AR: variants seen among roughly 807,000 people sequenced by gnomAD.
The protein encoded by AR is dihydrotestosterone receptor.
In AR, 8 loss-of-function variants were observed where a neutral mutation model predicts 53.9. That is an observed-to-expected ratio of 0.15 (90% CI 0.09 to 0.27). AR has a LOEUF of 0.27. AR is among the 10% of genes least tolerant of loss of function. The probability of loss-of-function intolerance (pLI) is 1.00; values close to 1 mark genes in which losing one functional copy is unlikely to be tolerated. For missense variants in AR, 639 were observed against 742.5 expected (o/e 0.86, Z 1.62); for synonymous variants, 359 against 316.4 (o/e 1.13, Z -1.43).
chrX:67,616,250 G>A (rs1924113264), intron 1 of AR, among the ~76,000 whole-genome samples: 1 of 110,657 alleles, frequency 9.0e-6, no homozygotes, highest in Admixed American at 9.6e-5. Flanking sequence ...AGAATGTGCA[G>A]GTTTGTTACA....
At position 67,724,013 on chromosome X, in the gene AR, T is replaced by A; in HGVS notation, c.*172T>A. On this transcript the variant is annotated 3_prime_UTR_variant, in exon 8 of 8. Transcript: ENST00000374690. ...TATTTGCTGGGCTTTTTTTTTCTCT[T>A]TCTCTCCTTTCTTTTTCTTCTTCCC... 1 of 624,976 alleles carries A rather than the reference T, an allele frequency of 1.6e-6. No homozygotes were observed. The highest frequency in any genetic ancestry group is 2.4e-6 in the Non-Finnish European group (1 of 418,454). 51.5% of individuals were successfully genotyped at this position (624,976 alleles called of 1,213,427 possible). A position where few individuals can be genotyped will look rare whatever the true frequency, so the allele number is the denominator to read the frequency against.
chrX:67,569,264 C>T (rs1249664720), intron 1 of AR, among the ~76,000 whole-genome samples: 1 of 110,145 alleles, frequency 9.1e-6, no homozygotes, highest in African/African-American at 3.3e-5. Context: ...GCAAAAAGCA[C>T]TTAATTCGCT....
intron 5 of AR, among the ~76,000 whole-genome samples, chrX:67,720,897 C>T (rs1175709733): frequency 9.0e-6 from 1 of 111,122 alleles, no homozygotes; most frequent in African/African-American, 3.3e-5. Flanking sequence ...CACACACACA[C>T]ACACACACAC....
At position 67,650,195 on chromosome X, in the gene AR, A is replaced by G. The variant is rs1237151903; in HGVS notation, c.1768+6788A>G. On this transcript the variant is annotated intron_variant, in intron 2 of 7. Transcript: ENST00000374690. ...AGCTACCATTGACTTTCTTCACAGA[A>G]TTAGAAAATACTACTTTAAATTTCA... 4.5e-5 allele frequency among the ~76,000 whole-genome samples: 5 copies of G among 112,261 alleles called. No homozygotes were observed. In the Admixed American group the frequency reaches 4.7e-4, roughly 11 times the overall value.
At chrX:67,562,061 T>A (rs1169235214) in intron 1 of AR, among the ~76,000 whole-genome samples, 2 of 104,148 alleles carry the variant, frequency 1.9e-5, no homozygotes, top group African/African-American at 3.5e-5. Context: ...TGCCTTAGCC[T>A]CTGGAGTAGC....
intron 2 of AR, among the ~76,000 whole-genome samples, chrX:67,649,130 T>G (rs1926207818): frequency 9.0e-6 from 1 of 111,437 alleles, no homozygotes; most frequent in Non-Finnish European, 1.9e-5. Flanking sequence ...CAGTGTTTGG[T>G]TTTCTGTTCC....
chrX:67,547,720 GGAGT>G (rs1383569947), intron 1 of AR, among the ~76,000 whole-genome samples: 1 of 111,789 alleles, frequency 8.9e-6, no homozygotes, highest in East Asian at 2.8e-4. Flanking sequence ...TGGGGAGGGT[GGAGT>G]GAGGTTTTTT....
chrX:67,688,239 G>A (rs2075977559), intron 3 of AR, among the ~76,000 whole-genome samples: 1 of 111,385 alleles, frequency 9.0e-6, no homozygotes, highest in Non-Finnish European at 1.9e-5. Context: ...AAGATACCAG[G>A]ATTCTTGATG....
At chrX:67,563,449 C>G (rs779324253) in intron 1 of AR, among the ~76,000 whole-genome samples, 21 of 111,565 alleles carry the variant, frequency 1.9e-4, no homozygotes, top group Non-Finnish European at 4.0e-4. Flanking sequence ...AAATATCTAG[C>G]CCAGGGCCTG....
intron 1 of AR, among the ~76,000 whole-genome samples, chrX:67,608,573 A>C (rs1360214098): frequency 8.9e-6 from 1 of 112,150 alleles, no homozygotes; most frequent in African/African-American, 3.2e-5. Flanking sequence ...ATAAATCAGT[A>C]TTAGTGAATC....
intron 1 of AR, among the ~76,000 whole-genome samples, chrX:67,611,676 A>T (rs1923886581): frequency 9.0e-6 from 1 of 111,502 alleles, no homozygotes; most frequent in Admixed American, 9.5e-5. Flanking sequence ...TGCCAAAAAG[A>T]CTCACGAATT....
chrX:67,645,110 C>T (rs1251965061), intron 2 of AR, among the ~76,000 whole-genome samples: 1 of 111,436 alleles, frequency 9.0e-6, no homozygotes, highest in Non-Finnish European at 1.9e-5. Flanking sequence ...TCAGCAAGCC[C>T]AGGCACTGCA....
In AR at chrX:67,725,136, C is replaced by T. The variant is rs2076152683; in HGVS notation, c.*1295C>T. The T allele has an allele frequency of 5.7e-6, 1 of 175,816 alleles. No homozygotes were observed. The highest frequency in any genetic ancestry group is 8.1e-5 in the East Asian group (1 of 12,420). 14.5% of individuals were successfully genotyped at this position (175,816 alleles called of 1,213,427 possible). A position where few individuals can be genotyped will look rare whatever the true frequency, so the allele number is the denominator to read the frequency against. ...GCCTGAATTTCATCACACTGCATTTCAGCCATGGTCATCAAGCCTGTTTGC... is the reference window on the plus strand; with the variant it reads ...GCCTGAATTTCATCACACTGCATTTTAGCCATGGTCATCAAGCCTGTTTGC... On this transcript the variant is annotated 3_prime_UTR_variant, in exon 8 of 8. Coordinates refer to ENST00000374690, the MANE Select transcript of AR (RefSeq NM_000044.6).
chrX:67,705,757 A>T (rs1380637041), intron 3 of AR, among the ~76,000 whole-genome samples: 2 of 111,514 alleles, frequency 1.8e-5, no homozygotes, highest in Non-Finnish European at 3.8e-5. Flanking sequence ...GTTTTTGCCT[A>T]TTCAGTATGA....
chrX:67,592,194 T>C (rs1922861502), intron 1 of AR, among the ~76,000 whole-genome samples: 1 of 111,914 alleles, frequency 8.9e-6, no homozygotes, highest in South Asian at 3.7e-4. Flanking sequence ...TGTGGGGATG[T>C]GAGGATCTAT....
At chrX:67,643,703 T>C (rs1276066410) in intron 2 of AR, among the ~76,000 whole-genome samples, 2 of 112,137 alleles carry the variant, frequency 1.8e-5, no homozygotes, top group Non-Finnish European at 3.8e-5. Context: ...TTTAATTTCC[T>C]CCCTTCTTGT....
At chrX:67,721,763 A>G in intron 5 of AR, 70 bp from the exon 6 acceptor site, 1 of 1,189,197 alleles carries the variant, frequency 8.4e-7, no homozygotes, top group Non-Finnish European at 1.1e-6. Flanking sequence ...GATGGCAATC[A>G]GAGACATTCC....
At chrX:67,690,835 G>A (rs1280825538) in intron 3 of AR, among the ~76,000 whole-genome samples, 1 of 111,637 alleles carries the variant, frequency 9.0e-6, no homozygotes, top group Non-Finnish European at 1.9e-5. Context: ...GGACATCTAA[G>A]GTAAAGCGTA....
intron 1 of AR, among the ~76,000 whole-genome samples, chrX:67,585,211 C>T (rs1378680396): frequency 5.8e-5 from 6 of 104,001 alleles, no homozygotes; most frequent in Admixed American, 1.0e-4. Context: ...TGCAGTGAGC[C>T]GAGATTGCAC....
Sources: gnomAD v4.1 joint callset for allele counts (sites outside exome capture counted in the v4.1 genomes callset) on GRCh38, gnomAD v4.1.1 for gene constraint, MANE v1.5 for transcripts, NCBI Gene and HGNC (gene_info 2026-07-23, HGNC 2026-07-21) for gene names.